Variants in KDM4C observed in about 807,000 individuals in gnomAD.
KDM4C encodes the protein lysine-specific demethylase 4C.
A neutral mutation model predicts 129.3 loss-of-function variants in KDM4C; 81 were observed. The observed-to-expected ratio is 0.63, with a 90% CI of 0.52 to 0.75. KDM4C has a LOEUF of 0.75. Ranked by LOEUF, KDM4C falls within the 30% of genes least tolerant of loss-of-function variation. The probability of loss-of-function intolerance (pLI) is 0.00; values close to 1 mark genes in which losing one functional copy is unlikely to be tolerated. For synonymous variants in KDM4C, 573 were observed against 456.1 expected (o/e 1.26, Z -3.26); for missense variants, 1,457 against 1,304.0 (o/e 1.12, Z -1.81).
At chr9:6,858,812 A>C (rs1840397242) in intron 5 of KDM4C, among the ~76,000 whole-genome samples, 1 of 151,484 alleles carries the variant, frequency 6.6e-6, no homozygotes, top group Admixed American at 6.6e-5. Context: ...AGTAGTTAAC[A>C]AGTTATTTTA....
At chr9:6,982,146 T>A (rs1012113825) in intron 9 of KDM4C, 3 of 152,146 alleles carry the variant, frequency 2.0e-5, no homozygotes, top group Non-Finnish European at 4.4e-5. Context: ...TTGTGTCCAC[T>A]TTTTTGATAT....
chr9:6,725,931 AT>A lies in KDM4C; in HGVS notation c.49+4947del, dbSNP rs1228503073. On this transcript the variant is annotated intron_variant, in intron 1 of 17. Coordinates refer to the KDM4C transcript ENST00000536108. ...TTTCTTTCTTTTCTTTTCTTTCTTT[AT>A]TTTTTTTTTTTTGAGACAGAGTCTC... Among the ~76,000 whole-genome samples, 421 of 57,564 alleles carry A rather than the reference AT, an allele frequency of 7.3e-3. 4 individuals are homozygous for A. The highest frequency in any genetic ancestry group is 0.018 in the African/African-American group (269 of 14,684). 37.8% of individuals were successfully genotyped at this position (57,564 alleles called of 152,430 possible). A position where few individuals can be genotyped will look rare whatever the true frequency, so the allele number is the denominator to read the frequency against.
chr9:6,815,025 A>G (rs938459473), intron 4 of KDM4C: 57 of 237,092 alleles, frequency 2.4e-4, no homozygotes, highest in African/African-American at 9.8e-4. Flanking sequence ...GCAAAAATAC[A>G]TTATAAAAAT....
intron 2 of KDM4C, among the ~76,000 whole-genome samples, chr9:6,804,511 A>G (rs1829605748): frequency 6.6e-6 from 1 of 152,162 alleles, no homozygotes; most frequent in African/African-American, 2.4e-5. Context: ...TGTAATCCCA[A>G]CAATTTGGGA....
intron 15 of KDM4C, among the ~76,000 whole-genome samples, chr9:7,024,711 A>G (rs1825502925): frequency 6.6e-6 from 1 of 152,056 alleles, no homozygotes. Context: ...TATGTGCCAC[A>G]TTTTCTTAAT....
In KDM4C at chr9:7,083,710, GATGTGTGTGTGT is replaced by G. The variant is rs1473814796; in HGVS notation, c.2425-19974_2425-19963del. On this transcript the variant is annotated intron_variant, in intron 17 of 21. Transcript: ENST00000381309. ...GAAACGTCCCATGTAGCACATGACT[GATGTGTGTGTGT>G]GTGTGTGTGTGTGTGTGTGTGTGTG... 7.6e-5 allele frequency among the ~76,000 whole-genome samples: 5 copies of G among 65,526 alleles called. No homozygotes were observed. In the East Asian group the frequency reaches 1.4e-3, roughly 18 times the overall value. 43.0% of individuals were successfully genotyped at this position (65,526 alleles called of 152,430 possible).
intron 17 of KDM4C, among the ~76,000 whole-genome samples, chr9:7,067,377 G>A (rs1450994726): frequency 6.6e-6 from 1 of 152,218 alleles, no homozygotes; most frequent in African/African-American, 2.4e-5. Flanking sequence ...TACATGTGGC[G>A]GGTGGCAGCC....
intron 20 of KDM4C, among the ~76,000 whole-genome samples, chr9:7,168,685 C>T (rs997568526): frequency 2.0e-5 from 3 of 152,128 alleles, no homozygotes; most frequent in African/African-American, 7.2e-5. Flanking sequence ...CCTTTGATGG[C>T]ATTTGATTGA....
At chr9:7,164,602 A>C (rs946586472) in intron 19 of KDM4C, among the ~76,000 whole-genome samples, 84 of 151,820 alleles carry the variant, frequency 5.5e-4, no homozygotes, top group African/African-American at 1.9e-3. Context: ...ACCCAGCTCC[A>C]CCCGCCGTGC....
chr9:6,747,225 C>CAAA (rs1563924940), intron 1 of KDM4C, among the ~76,000 whole-genome samples: 6 of 150,970 alleles, frequency 4.0e-5, no homozygotes, highest in African/African-American at 1.5e-4. Context: ...AACCAACCAA[C>CAAA]CAAAGAACCT....
chr9:6,868,896 G>T (rs911585075), intron 5 of KDM4C, among the ~76,000 whole-genome samples: 5 of 152,008 alleles, frequency 3.3e-5, no homozygotes, highest in African/African-American at 1.2e-4. Flanking sequence ...ACGAAAAATA[G>T]TGTGTAAAAC....
At chr9:7,109,272 A>T (rs991671273) in intron 18 of KDM4C, among the ~76,000 whole-genome samples, 6 of 152,202 alleles carry the variant, frequency 3.9e-5, no homozygotes, top group Admixed American at 1.3e-4. Flanking sequence ...CATTTTAATA[A>T]AATTTTTATA....
chr9:6,979,463 T>A (rs1187823828), intron 8 of KDM4C, among the ~76,000 whole-genome samples: 1 of 152,120 alleles, frequency 6.6e-6, no homozygotes, highest in Non-Finnish European at 1.5e-5. Flanking sequence ...CTCCCATGAC[T>A]TGGGTTGAAG....
chr9:6,969,966 C>T (rs865889616), intron 8 of KDM4C, among the ~76,000 whole-genome samples: 1 of 152,166 alleles, frequency 6.6e-6, no homozygotes, highest in Non-Finnish European at 1.5e-5. Context: ...AACAAGCTAC[C>T]GACACATTCC....
chr9:6,865,796 G>A (rs1841848718), intron 5 of KDM4C, among the ~76,000 whole-genome samples: 2 of 151,846 alleles, frequency 1.3e-5, no homozygotes, highest in Non-Finnish European at 2.9e-5. Context: ...TGTCGCCCAG[G>A]CTGGAGTGCA....
intron 17 of KDM4C, among the ~76,000 whole-genome samples, chr9:7,067,814 G>C (rs920353650): frequency 6.7e-6 from 1 of 150,064 alleles, no homozygotes; most frequent in Non-Finnish European, 1.5e-5. Context: ...TTTTTTTTTT[G>C]AGATGAAGTC....
intron 8 of KDM4C, among the ~76,000 whole-genome samples, chr9:6,964,493 A>G (rs1256867266): frequency 1.3e-5 from 2 of 152,102 alleles, no homozygotes; most frequent in African/African-American, 4.8e-5. Context: ...TCTATCATTG[A>G]TGGACATTTG....
chr9:7,103,357 A>C (rs1837316950), intron 17 of KDM4C, among the ~76,000 whole-genome samples: 2 of 152,200 alleles, frequency 1.3e-5, no homozygotes, highest in Non-Finnish European at 2.9e-5. Context: ...ACATTCATGG[A>C]TTATTTATAG....
chr9:7,140,801 C>A (rs777380103), intron 19 of KDM4C, among the ~76,000 whole-genome samples: 1 of 152,122 alleles, frequency 6.6e-6, no homozygotes, highest in Non-Finnish European at 1.5e-5. Flanking sequence ...GAGTGACATA[C>A]GCAGCATGTA....
Sources: allele counts gnomAD v4.1 joint callset (sites outside exome capture counted in the v4.1 genomes callset), GRCh38; gene constraint gnomAD v4.1.1; transcripts MANE v1.5; gene names NCBI Gene and HGNC (gene_info 2026-07-23, HGNC 2026-07-21).